ASIC2: variants seen among roughly 807,000 people sequenced by gnomAD.
The protein encoded by ASIC2 is acid sensing ion channel subunit 2.
Under a neutral mutation model 57.3 loss-of-function variants are expected in ASIC2, and 25 were observed. That is an observed-to-expected ratio of 0.44 (90% CI 0.32 to 0.61). ASIC2 has a LOEUF of 0.61. Among genes scored for constraint, ASIC2 ranks in the 20% least tolerant of loss-of-function variants. ASIC2 has a pLI of 0.06. For missense variants in ASIC2, 641 were observed against 738.1 expected (o/e 0.87, Z 1.52); for synonymous variants, 319 against 307.5 (o/e 1.04, Z -0.39).
intron 1 of ASIC2, among the ~76,000 whole-genome samples, chr17:33,447,143 G>A (rs964108785): frequency 2.0e-5 from 3 of 152,192 alleles, no homozygotes; most frequent in African/African-American, 7.2e-5. Context: ...CGTGAGTTTA[G>A]GTCCTGGTAC....
chr17:33,840,799 C>CCACACACACACA lies in ASIC2; in HGVS notation c.555+315167_555+315178dup, dbSNP rs10525634. Reference sequence around the variant, plus strand: ...TTATTCCTTTAGGTACCTGGACACACCACACACACACACACACACACACAC... The same window carrying CCACACACACACA: ...TTATTCCTTTAGGTACCTGGACACACCACACACACACACACACACACACACACACACACACAC... On this transcript the variant is annotated intron_variant, in intron 1 of 9. Transcript: ENST00000359872. Among the ~76,000 whole-genome samples, 140 of 147,578 alleles carry CCACACACACACA rather than the reference C, an allele frequency of 9.5e-4. 1 individual carries two copies. Among genetic ancestry groups the CCACACACACACA allele is most frequent in the Admixed American group, 2.2e-3 (33 of 14,780 alleles).
chr17:33,996,652 AAATT>A (rs928826364), intron 1 of ASIC2, among the ~76,000 whole-genome samples: 7 of 152,190 alleles, frequency 4.6e-5, no homozygotes, highest in African/African-American at 1.7e-4. Context: ...CCTCTGACAA[AAATT>A]AATTGATAAA....
At chr17:33,824,010 G>A (rs1912831946) in intron 1 of ASIC2, among the ~76,000 whole-genome samples, 1 of 152,092 alleles carries the variant, frequency 6.6e-6, no homozygotes, top group Admixed American at 6.6e-5. Flanking sequence ...TCAAATTCAG[G>A]CAGTTTGTCA....
At chr17:33,062,532 T>G (rs1032392155) in intron 3 of ASIC2, among the ~76,000 whole-genome samples, 4 of 152,192 alleles carry the variant, frequency 2.6e-5, no homozygotes, top group African/African-American at 7.2e-5. Context: ...AGAGACAGTT[T>G]GTTATAATTT....
In ASIC2 at chr17:33,965,082, TG is replaced by T. The variant is rs143093319; in HGVS notation, c.555+190895del. On this transcript the variant is annotated intron_variant, in intron 1 of 9. Transcript: ENST00000359872. ...AATCCATTTAGTGGCCAACATTCTA[TG>T]GGGCCGTGAAAAATGAGAAAGAGGA... Among the ~76,000 whole-genome samples, 580 of 152,242 alleles carry T rather than the reference TG, an allele frequency of 3.8e-3. 3 individuals carry two copies. The highest frequency in any genetic ancestry group is 0.013 in the African/African-American group (556 of 41,552).
chr17:33,779,274 T>A (rs1015023008), intron 1 of ASIC2, among the ~76,000 whole-genome samples: 24 of 152,254 alleles, frequency 1.6e-4, no homozygotes, highest in Admixed American at 1.4e-3. Context: ...CTGCCTGGGG[T>A]GCAGTTCTTC....
intron 1 of ASIC2, chr17:34,038,450 T>G: frequency 1.2e-6 from 2 of 1,612,362 alleles, no homozygotes; most frequent in East Asian, 2.2e-5. Flanking sequence ...TCTCCAGTTT[T>G]TATTTAACTG....
intron 1 of ASIC2, among the ~76,000 whole-genome samples, chr17:33,515,133 G>A (rs946642417): frequency 3.9e-5 from 6 of 152,254 alleles, no homozygotes; most frequent in Non-Finnish European, 5.9e-5. Context: ...GGCACTTGGT[G>A]GATGGGGCAA....
chr17:33,416,731 G>C (rs1910855454), intron 1 of ASIC2, among the ~76,000 whole-genome samples: 1 of 152,214 alleles, frequency 6.6e-6, no homozygotes, highest in Non-Finnish European at 1.5e-5. Flanking sequence ...GACTCTAGGG[G>C]ACCTAGGTTT....
chr17:33,144,140 A>G (rs1904443941), intron 1 of ASIC2, among the ~76,000 whole-genome samples: 2 of 146,244 alleles, frequency 1.4e-5, no homozygotes, highest in Admixed American at 6.7e-5. Flanking sequence ...CTTTTCTGGA[A>G]TTAAAAAACA....
At chr17:33,720,001 C>A (rs1006711063) in intron 1 of ASIC2, among the ~76,000 whole-genome samples, 12 of 152,176 alleles carry the variant, frequency 7.9e-5, no homozygotes, top group African/African-American at 2.2e-4. Context: ...CTTGCCTCAG[C>A]CCCTGAGTAT....
chr17:33,299,190 A>G (rs749372530), intron 1 of ASIC2, among the ~76,000 whole-genome samples: 4 of 152,232 alleles, frequency 2.6e-5, no homozygotes, highest in African/African-American at 9.6e-5. Flanking sequence ...TTCAAACTAT[A>G]CTACAAGACT....
intron 1 of ASIC2, among the ~76,000 whole-genome samples, chr17:33,665,490 T>A (rs1471991934): frequency 6.6e-6 from 1 of 152,210 alleles, no homozygotes; most frequent in South Asian, 2.1e-4. Context: ...CTTGAAACTA[T>A]AGGACATATT....
intron 3 of ASIC2, chr17:33,051,958 A>G (rs748454432): frequency 1.3e-5 from 2 of 152,234 alleles, no homozygotes; most frequent in Non-Finnish European, 2.9e-5. Flanking sequence ...GCAAGCTGCC[A>G]TGCCTGTTTA....
chr17:33,238,045 G>A (rs1401870350), intron 1 of ASIC2, among the ~76,000 whole-genome samples: 2 of 152,212 alleles, frequency 1.3e-5, no homozygotes, highest in Admixed American at 1.3e-4. Context: ...GTAGGCCTGT[G>A]TGGTTCCGAA....
chr17:33,329,872 C>G (rs1907238161), intron 1 of ASIC2, among the ~76,000 whole-genome samples: 1 of 152,122 alleles, frequency 6.6e-6, no homozygotes, highest in Non-Finnish European at 1.5e-5. Flanking sequence ...GTTCTTTTCT[C>G]CCAGGAGGAG....
chr17:33,904,077 T>C (rs541766073), intron 1 of ASIC2, among the ~76,000 whole-genome samples: 1 of 144,772 alleles, frequency 6.9e-6, no homozygotes, highest in African/African-American at 2.6e-5. Flanking sequence ...GCAGGAGAAT[T>C]GCTTGAACCC....
At chr17:33,671,700 G>A (rs1907644008) in intron 1 of ASIC2, among the ~76,000 whole-genome samples, 1 of 152,212 alleles carries the variant, frequency 6.6e-6, no homozygotes, top group African/African-American at 2.4e-5. Flanking sequence ...ATCTTTATGA[G>A]TCAAATCACA....
chr17:34,156,692 C>A lies in ASIC2; in HGVS notation c.-160G>T. 4.3e-6 allele frequency: 3 copies of A among 703,302 alleles called. No individual in the cohort carries two copies. Among genetic ancestry groups the A allele is most frequent in the Non-Finnish European group, 6.9e-6 (3 of 433,140 alleles). 43.6% of individuals were successfully genotyped at this position (703,302 alleles called of 1,614,324 possible). ...AGTTTATCCTGAGAGCCCAGCCGCA[C>A]GCTGACAGGGGTGAGTGTTTATATA... On this transcript the variant is annotated 5_prime_UTR_variant, in exon 1 of 10. Transcript: ENST00000359872. The surrounding 1 kb of genome is among the most constrained non-coding windows in gnomAD (Gnocchi z 4.4).
Sources: allele counts gnomAD v4.1 joint callset (sites outside exome capture counted in the v4.1 genomes callset), GRCh38; gene constraint gnomAD v4.1.1; non-coding constraint Gnocchi (gnomAD v3.1); transcripts MANE v1.5; gene names NCBI Gene and HGNC (gene_info 2026-07-23, HGNC 2026-07-21).